Variants in SLC25A30 observed in about 807,000 individuals in gnomAD.
The protein encoded by SLC25A30 is solute carrier family 25 member 30.
SLC25A30 carries 29 observed loss-of-function variants against 42.7 expected under a neutral mutation model. The observed-to-expected ratio is 0.68, with a 90% CI of 0.51 to 0.93. The LOEUF is 0.93. SLC25A30 is among the 40% of genes least tolerant of loss of function. The pLI, the probability that SLC25A30 is intolerant of heterozygous loss-of-function variation, is 0.00. For synonymous variants in SLC25A30, 124 were observed against 131.0 expected (o/e 0.95, Z 0.37); for missense variants, 300 against 359.7 (o/e 0.83, Z 1.34).
rs970190778 is a variant in SLC25A30, at chr13:45,393,792, C to T, written c.*2182G>A. On this transcript the variant is annotated 3_prime_UTR_variant, in exon 10 of 10. Coordinates refer to ENST00000519676, the MANE Select transcript of SLC25A30 (RefSeq NM_001010875.4). The stretch of plus-strand genomic sequence containing the variant: ...TTAATAAGTCTACACTGAAGAAATA[C>T]TATGCTTTTATCTTAAATCGTGCTT... 7.1e-6 allele frequency: 7 copies of T among 985,306 alleles called. No individual in the cohort carries two copies. In the African/African-American group the frequency reaches 1.0e-4, roughly 15 times the overall value. 61.0% of individuals were successfully genotyped at this position (985,306 alleles called of 1,614,324 possible). A position where few individuals can be genotyped will look rare whatever the true frequency, so the allele number is the denominator to read the frequency against.
chr13:45,425,350 A>G, the SLC25A30 span, among the ~76,000 whole-genome samples: 1 of 109,392 alleles, frequency 9.1e-6, no homozygotes. Flanking sequence ...ATATATAACT[A>G]TATGTAAGTA....
intron 8 of SLC25A30, chr13:45,397,557 A>G (rs1350747600): frequency 1.4e-5 from 5 of 368,666 alleles, no homozygotes; most frequent in Admixed American, 1.3e-4. Context: ...TTAGCCGGGC[A>G]TGGTGGCAGG....
chr13:45,425,149 T>C, the SLC25A30 span, among the ~76,000 whole-genome samples: 1 of 94,660 alleles, frequency 1.1e-5, no homozygotes, highest in African/African-American at 4.3e-5. Flanking sequence ...TATATATAAA[T>C]ATATTGATAA....
the SLC25A30 span, among the ~76,000 whole-genome samples, chr13:45,427,649 G>A: frequency 2.0e-5 from 3 of 152,068 alleles, no homozygotes; most frequent in Non-Finnish European, 2.9e-5. Context: ...AATTTGCCTG[G>A]CATTTCTCCT....
At chr13:45,432,724 A>G in the SLC25A30 span, among the ~76,000 whole-genome samples, 1 of 151,808 alleles carries the variant, frequency 6.6e-6, no homozygotes, top group Non-Finnish European at 1.5e-5. Context: ...AAAAAAAACA[A>G]TCAATTCAGC....
rs1881270599 is a variant in SLC25A30, at chr13:45,395,877, G to A, written c.*97C>T. 7 of 1,610,596 alleles carry A rather than the reference G, an allele frequency of 4.3e-6. No homozygotes were observed. Among genetic ancestry groups the A allele is most frequent in the Non-Finnish European group, 5.9e-6 (7 of 1,178,342 alleles). On this transcript the variant is annotated 3_prime_UTR_variant, in exon 10 of 10. Transcript: ENST00000519676. ...CTGTTGCTCACATCCCAGAATCTGT[G>A]ATGAGCCAAGCAGTGAGAAGCAGAG...
At chr13:45,414,703 AAG>A (rs1351360851) in intron 1 of SLC25A30, among the ~76,000 whole-genome samples, 1 of 152,042 alleles carries the variant, frequency 6.6e-6, no homozygotes, top group Non-Finnish European at 1.5e-5. Context: ...TGGAATAAGT[AAG>A]TAGATGTCCA....
chr13:45,425,206 GTATA>G, the SLC25A30 span, among the ~76,000 whole-genome samples: 1 of 97,320 alleles, frequency 1.0e-5, no homozygotes, highest in Non-Finnish European at 1.8e-5. Context: ...ATATATGTAA[GTATA>G]TATATACGTA....
intron 3 of SLC25A30, among the ~76,000 whole-genome samples, chr13:45,407,954 G>A (rs1325329018): frequency 6.6e-6 from 1 of 152,170 alleles, no homozygotes. Context: ...TCCTCATCTA[G>A]TCTTCCTACA....
chr13:45,429,282 T>C, the SLC25A30 span, among the ~76,000 whole-genome samples: 1 of 151,786 alleles, frequency 6.6e-6, no homozygotes, highest in African/African-American at 2.4e-5. Flanking sequence ...TTGGCCAGGC[T>C]GGTCTCGAAC....
intron 3 of SLC25A30, among the ~76,000 whole-genome samples, chr13:45,408,475 G>A (rs1882717299): frequency 6.6e-6 from 1 of 152,148 alleles, no homozygotes. Flanking sequence ...TTCTGTTCCT[G>A]CAGGTATTCT....
At chr13:45,423,669 A>C in the SLC25A30 span, among the ~76,000 whole-genome samples, 1 of 24,322 alleles carries the variant, frequency 4.1e-5, no homozygotes, top group African/African-American at 2.1e-4. Flanking sequence ...ATATATATAA[A>C]ATACATATTT....
At chr13:45,429,443 A>G in the SLC25A30 span, among the ~76,000 whole-genome samples, 4 of 152,080 alleles carry the variant, frequency 2.6e-5, no homozygotes, top group Non-Finnish European at 5.9e-5. Flanking sequence ...ATTCTTCCCC[A>G]GAACTAAGGA....
chr13:45,404,587 G>C (rs1231485621), intron 4 of SLC25A30, among the ~76,000 whole-genome samples, 175 bp from the exon 5 acceptor site: 2 of 152,220 alleles, frequency 1.3e-5, no homozygotes, highest in African/African-American at 4.8e-5. Context: ...GGGATACCAA[G>C]GTGGGGAGAT....
chr13:45,409,165 T>A, intron 2 of SLC25A30, 91 bp from the exon 3 acceptor site: 1 of 913,622 alleles, frequency 1.1e-6, no homozygotes, highest in Non-Finnish European at 1.5e-6. Flanking sequence ...ACATTCAGAC[T>A]ACAATATAAA....
rs889823726 is a variant in SLC25A30, at chr13:45,393,555, CA to C, written c.*2418del. 8 of 985,058 alleles carry C rather than the reference CA, an allele frequency of 8.1e-6. No homozygotes were observed. In the African/African-American group the frequency reaches 1.2e-4, roughly 15 times the overall value. The allele number at this position is 985,058 out of a possible 1,614,324, so 61.0% of individuals were successfully genotyped here. A position where few individuals can be genotyped will look rare whatever the true frequency, so the allele number is the denominator to read the frequency against. ...TTACACAAATCCATAAGCACACAAA[CA>C]AAAAAACCCATTGGTTATAAAAACT... On this transcript the variant is annotated 3_prime_UTR_variant, in exon 10 of 10. Transcript: ENST00000519676.
chr13:45,415,345 C>A (rs1450703968), intron 1 of SLC25A30, among the ~76,000 whole-genome samples: 2 of 152,162 alleles, frequency 1.3e-5, no homozygotes, highest in Admixed American at 1.3e-4. Context: ...CAGACACTAT[C>A]TTCCAAGGGC....
chr13:45,411,718 C>T (rs1023125339), intron 1 of SLC25A30: 3 of 417,794 alleles, frequency 7.2e-6, no homozygotes, highest in African/African-American at 6.1e-5. Context: ...AAGAAGTAAT[C>T]AGCTACTTTG....
chr13:45,432,071 A>T, the SLC25A30 span, among the ~76,000 whole-genome samples: 1 of 152,010 alleles, frequency 6.6e-6, no homozygotes, highest in Non-Finnish European at 1.5e-5. Context: ...GGAGTATGAC[A>T]CCAGCATGGC....
Sources: gnomAD v4.1 joint callset for allele counts (sites outside exome capture counted in the v4.1 genomes callset) on GRCh38, gnomAD v4.1.1 for gene constraint, MANE v1.5 for transcripts, NCBI Gene and HGNC (gene_info 2026-07-23, HGNC 2026-07-21) for gene names.